Variants in ERBB2 observed in about 807,000 individuals in gnomAD.
The protein encoded by ERBB2 is erb-b2 receptor tyrosine kinase 2.
In ERBB2, 61 loss-of-function variants were observed where a neutral mutation model predicts 149.0. The observed-to-expected ratio is 0.41, with a 90% CI of 0.33 to 0.51. The LOEUF (loss-of-function observed/expected upper bound fraction) is 0.51, where lower values mean the gene tolerates loss of function less well. Ranked by LOEUF, ERBB2 falls within the 20% of genes least tolerant of loss-of-function variation. The pLI, the probability that ERBB2 is intolerant of heterozygous loss-of-function variation, is 0.25. For missense variants in ERBB2, 1,205 were observed against 1,655.1 expected (o/e 0.73, Z 4.72); for synonymous variants, 633 against 678.8 (o/e 0.93, Z 1.05).
In ERBB2 at chr17:39,723,217, T is replaced by C. The variant is rs1171881012; in HGVS notation, c.1947-102T>C. ...AAGCCTGTGGGTCACCCTTCCGACT[T>C]CCCTTTCCGAATGCCAAACACCTTC... is the stretch of plus-strand genomic sequence containing the variant. On this transcript the variant is annotated intron_variant, in intron 16 of 26. Coordinates refer to ENST00000269571, the MANE Select transcript of ERBB2 (RefSeq NM_004448.4). The surrounding 1 kb of genome is among the most constrained non-coding windows in gnomAD (Gnocchi z 6.2). The C allele has an allele frequency of 2.4e-6, 3 of 1,270,520 alleles. No homozygotes were observed. The Admixed American group carries it at 5.7e-5, about 24-fold the overall frequency. 78.7% of individuals were successfully genotyped at this position (1,270,520 alleles called of 1,614,324 possible). A position where few individuals can be genotyped will look rare whatever the true frequency, so the allele number is the denominator to read the frequency against.
Position 39,728,099 on chromosome 17 carries a change from C to A in ERBB2, c.*55C>A. On this transcript the variant is annotated 3_prime_UTR_variant, in exon 27 of 27. Transcript: ENST00000269571. ...ATGTGTCCTCAGGGAGCAGGGAAGG[C>A]CTGACTTCTGCTGGCATCAAGAGGT... 7.6e-7 allele frequency: 1 copy of A among 1,309,632 alleles called. No homozygotes were observed. Among genetic ancestry groups the A allele is most frequent in the Non-Finnish European group, 1.0e-6 (1 of 957,742 alleles). 81.1% of individuals were successfully genotyped at this position (1,309,632 alleles called of 1,614,324 possible). A position where few individuals can be genotyped will look rare whatever the true frequency, so the allele number is the denominator to read the frequency against.
chr17:39,699,505 T>C, upstream of ERBB2: 1 of 1,511,486 alleles, frequency 6.6e-7, no homozygotes, highest in South Asian at 1.2e-5. Context: ...TCCTCCCAAA[T>C]TTGTAGACCC....
At chr17:39,690,292 C>T (rs956821730), upstream of ERBB2, among the ~76,000 whole-genome samples, 2 of 152,260 alleles carry the variant, frequency 1.3e-5, no homozygotes, top group East Asian at 1.9e-4. Flanking sequence ...TGCTATGTTG[C>T]CTAGACTGGT....
chr17:39,726,256 A>G lies in ERBB2; in HGVS notation c.2873-306A>G, dbSNP rs772480952. 4.5e-6 allele frequency: 2 copies of G among 448,114 alleles called. No homozygotes were observed. The highest frequency in any genetic ancestry group is 8.1e-6 in the Non-Finnish European group (2 of 246,994). 27.8% of individuals were successfully genotyped at this position (448,114 alleles called of 1,614,324 possible). A position where few individuals can be genotyped will look rare whatever the true frequency, so the allele number is the denominator to read the frequency against. On this transcript the variant is annotated intron_variant, in intron 23 of 26. Transcript: ENST00000269571. This position sits in a 1 kb window ranked among gnomAD's most constrained non-coding sequence, Gnocchi z 5.1. Reference sequence around the variant, plus strand: ...GAGGCTGAGGCAGGAAGATCACTTGAGCCTAGTTTAAGGTTGCAGTAAGCT... The same window carrying G: ...GAGGCTGAGGCAGGAAGATCACTTGGGCCTAGTTTAAGGTTGCAGTAAGCT...
At chr17:39,708,069 A>T in intron 2 of ERBB2, 1 of 423,826 alleles carries the variant, frequency 2.4e-6, no homozygotes. Context: ...ACTGAGATAC[A>T]GAGAGGGCAG....
Position 39,715,344 on chromosome 17 carries a change from C to A in ERBB2, c.1207C>A (p.Leu403Met), listed in dbSNP as rs377649991. Residue 403 changes from leucine (L) to methionine (M), a missense_variant, in exon 10 of 27, where the codon CTG becomes ATG. Transcript: ENST00000269571. ...QPEQLQVFET[L>M]EEITGYLYIS... ...AGAGCAGCTCCAAGTGTTTGAGACT[C>A]TGGAAGAGATCACAGGTGGGCTCTG... 4 of 1,613,954 alleles carry A rather than the reference C, an allele frequency of 2.5e-6. No homozygotes were observed. Among genetic ancestry groups the A allele is most frequent in the Non-Finnish European group, 3.4e-6 (4 of 1,179,952 alleles).
chr17:39,709,913 G>C lies in ERBB2; in HGVS notation c.643+32G>C, dbSNP rs775013240. The C allele has an allele frequency of 1.0e-5, 16 of 1,601,722 alleles. No homozygotes were observed. In the East Asian group the frequency reaches 3.1e-4, roughly 31 times the overall value. On this transcript the variant is annotated intron_variant, in intron 5 of 26. Coordinates refer to ENST00000269571, the MANE Select transcript of ERBB2 (RefSeq NM_004448.4). ...CTCAGGGAGGCCTGGAGTCAGGGAAGGGGAGGGCTGGGGCCGGGTGGAATG... is the reference window on the plus strand; with the variant it reads ...CTCAGGGAGGCCTGGAGTCAGGGAACGGGAGGGCTGGGGCCGGGTGGAATG...
At chr17:39,690,423 A>G (rs1389770674), upstream of ERBB2, among the ~76,000 whole-genome samples, 1 of 152,184 alleles carries the variant, frequency 6.6e-6, no homozygotes, top group Non-Finnish European at 1.5e-5. Context: ...TATATTTTAG[A>G]ACTAACAATG....
intron 15 of ERBB2, among the ~76,000 whole-genome samples, chr17:39,718,422 A>G (rs1424787646): frequency 6.6e-6 from 1 of 152,200 alleles, no homozygotes; most frequent in Non-Finnish European, 1.5e-5. Context: ...TCACCCTTCC[A>G]GGCTCTTTTC....
upstream of ERBB2, chr17:39,694,593 AG>A (rs2057818947): frequency 6.6e-6 from 1 of 152,054 alleles, no homozygotes; most frequent in African/African-American, 2.4e-5. Context: ...AGAATCAACC[AG>A]GTGGGTTCAG....
chr17:39,724,128 A>AT (rs1486628804), intron 19 of ERBB2, 118 bp downstream of exon 19: 7 of 682,090 alleles, frequency 1.0e-5, no homozygotes, highest in South Asian at 5.7e-5. Context: ...AACCTAGACT[A>AT]TTTTTTTGGA....
exon 1 of ERBB2, chr17:39,688,152 T>C: frequency 8.3e-6 from 7 of 844,158 alleles, no homozygotes; most frequent in Non-Finnish European, 9.6e-6. Flanking sequence ...TCCCGGATTT[T>C]TGTGGGCGCC....
At chr17:39,689,900 C>CAAAAAAAAAAAAA (rs77805136) in intron 2 of ERBB2, among the ~76,000 whole-genome samples, 4 of 47,470 alleles carry the variant, frequency 8.4e-5, no homozygotes, top group Non-Finnish European at 1.3e-4. Context: ...GAGCGAAACT[C>CAAAAAAAAAAAAA]AAAAAAAAAA....
intron 8 of ERBB2, 28 bp from the exon 9 acceptor site, chr17:39,712,294 C>T (rs760038671): frequency 5.6e-6 from 9 of 1,613,044 alleles, no homozygotes; most frequent in East Asian, 2.2e-5. Context: ...TGAGACGGCC[C>T]CTTCCCCACC....
At position 39,723,503 on chromosome 17, in the gene ERBB2, G is replaced by C. The variant is rs1358002902; in HGVS notation, c.2086-35G>C. The C allele has an allele frequency of 1.2e-6, 2 of 1,613,248 alleles. No individual in the cohort carries two copies. Among genetic ancestry groups the C allele is most frequent in the Non-Finnish European group, 8.5e-7 (1 of 1,179,722 alleles). On this transcript the variant is annotated intron_variant, in intron 17 of 26. Coordinates refer to ENST00000269571, the MANE Select transcript of ERBB2 (RefSeq NM_004448.4). This position sits in a 1 kb window ranked among gnomAD's most constrained non-coding sequence, Gnocchi z 6.2. ...CCCAGCCCGCGTGGGGTCTGCACCG[G>C]CCCCCGGCACTGACCCACCACCCCC...
At chr17:39,705,189 G>A (rs2952154) in intron 1 of ERBB2, among the ~76,000 whole-genome samples, 2 of 151,982 alleles carry the variant, frequency 1.3e-5, no homozygotes, top group African/African-American at 4.8e-5. Flanking sequence ...TTACTGTGGC[G>A]GCCCCCACTC....
rs1390578521 is a variant in ERBB2, at chr17:39,726,291, C to T, written c.2873-271C>T. On this transcript the variant is annotated intron_variant, in intron 23 of 26. Transcript: ENST00000269571. The surrounding 1 kb of genome is among the most constrained non-coding windows in gnomAD (Gnocchi z 5.1). ...AAGGTTGCAGTAAGCTATGATTGCA[C>T]CACTGAAATCCAGCCTGGGTGACAG... The T allele has an allele frequency of 3.4e-5, 17 of 498,790 alleles. No individual in the cohort carries two copies. In the East Asian group the frequency reaches 5.8e-4, roughly 17 times the overall value. 30.9% of individuals were successfully genotyped at this position (498,790 alleles called of 1,614,324 possible). A position where few individuals can be genotyped will look rare whatever the true frequency, so the allele number is the denominator to read the frequency against.
At chr17:39,690,919 C>T (rs1048666505), upstream of ERBB2, among the ~76,000 whole-genome samples, 21 of 151,506 alleles carry the variant, frequency 1.4e-4, no homozygotes, top group African/African-American at 4.6e-4. Flanking sequence ...TTTGGGAGGG[C>T]GAGGCAGGTG....
chr17:39,696,071 C>T (rs772167862), upstream of ERBB2, among the ~76,000 whole-genome samples: 2 of 152,130 alleles, frequency 1.3e-5, no homozygotes, highest in Non-Finnish European at 2.9e-5. Flanking sequence ...GGGTCCCCCT[C>T]GCTGTCTTTG....
Sources: gnomAD v4.1 joint callset for allele counts (sites outside exome capture counted in the v4.1 genomes callset) on GRCh38, gnomAD v4.1.1 for gene constraint, Gnocchi (gnomAD v3.1) non-coding constraint, MANE v1.5 for transcripts, NCBI Gene and HGNC (gene_info 2026-07-23, HGNC 2026-07-21) for gene names.